The following ZNF845 variants were observed in gnomAD, a reference collection of about 807,000 sequenced individuals.
ZNF845 encodes zinc finger protein 845.
A neutral mutation model predicts 76.1 loss-of-function variants in ZNF845; 59 were observed. The observed-to-expected ratio is 0.78, with a 90% confidence interval of 0.63 to 0.96. The LOEUF (loss-of-function observed/expected upper bound fraction) is 0.96, where lower values mean the gene tolerates loss of function less well. ZNF845 is among the 40% of genes least tolerant of loss of function. ZNF845 has a pLI of 0.00. For missense variants in ZNF845, 1,045 were observed against 1,172.8 expected (o/e 0.89, Z 1.59); for synonymous variants, 361 against 386.9 (o/e 0.93, Z 0.78).
chr19:53,335,516 C>G (rs778973779), intron 1 of ZNF845, among the ~76,000 whole-genome samples: 2 of 152,122 alleles, frequency 1.3e-5, no homozygotes, highest in Non-Finnish European at 2.9e-5. Flanking sequence ...CTGCCTTGGC[C>G]TCCCAAATTA....
At chr19:53,337,831 G>T (rs1237536800) in intron 1 of ZNF845, among the ~76,000 whole-genome samples, 1 of 151,306 alleles carries the variant, frequency 6.6e-6, no homozygotes, top group East Asian at 1.9e-4. Flanking sequence ...CTCCCAGAGT[G>T]CTAGGGTACA....
intron 1 of ZNF845, among the ~76,000 whole-genome samples, chr19:53,334,563 G>A (rs1229579456): frequency 6.6e-6 from 1 of 151,698 alleles, no homozygotes; most frequent in East Asian, 1.9e-4. Context: ...GAGAGAAGGG[G>A]AGAATGAGAG....
In ZNF845 at chr19:53,343,884, G is replaced by A. The variant is rs191055883; in HGVS notation, c.16-1622G>A. On this transcript the variant is annotated intron_variant, in intron 2 of 3. Transcript: ENST00000458035. ...TGCCGAGGCTGGAGCACAGTGGCGCGATCTTAGCTCACTGCAACCTCCACC... is the reference window on the plus strand; with the variant it reads ...TGCCGAGGCTGGAGCACAGTGGCGCAATCTTAGCTCACTGCAACCTCCACC... 9.8e-3 allele frequency among the ~76,000 whole-genome samples: 1,490 copies of A among 152,036 alleles called. 18 individuals carry two copies. The highest frequency in any genetic ancestry group is 0.019 in the South Asian group (91 of 4,804).
Position 53,351,122 on chromosome 19 carries a change from T to G in ZNF845, c.447T>G (p.Pro149=). ...QLGSSFHSHL[P]ELHMFQTEGK... ...GATCAAGCTTTCATTCGCATCTGCCTGAACTCCACATGTTTCAGACCGAAG... is the reference window on the plus strand; with the variant it reads ...GATCAAGCTTTCATTCGCATCTGCCGGAACTCCACATGTTTCAGACCGAAG... The change falls in exon 4 of 4, where the codon CCT becomes CCG. Residue 149 remains proline (P), a synonymous_variant. Coordinates refer to ENST00000458035, the MANE Select transcript of ZNF845 (RefSeq NM_138374.3). 1 of 1,614,238 alleles carries G rather than the reference T, an allele frequency of 6.2e-7. No homozygotes were observed.
Position 53,353,881 on chromosome 19 carries a change from C to T in ZNF845, c.*293C>T, listed in dbSNP as rs1435326081. 5.3e-5 allele frequency: 59 copies of T among 1,120,206 alleles called. No homozygotes were observed. The highest frequency in any genetic ancestry group is 2.1e-4 in the Middle Eastern group (1 of 4,760). 69.4% of individuals were successfully genotyped at this position (1,120,206 alleles called of 1,614,324 possible). The stretch of plus-strand genomic sequence containing the variant: ...ACAAAGTCTTCAGTAACACTACAAC[C>T]GTTTCAAATCATTGGAGAATCCATA... On this transcript the variant is annotated 3_prime_UTR_variant, in exon 4 of 4. Coordinates refer to ENST00000458035, the MANE Select transcript of ZNF845 (RefSeq NM_138374.3).
chr19:53,352,288 T>C lies in ZNF845; in HGVS notation c.1613T>C (p.Leu538Pro). Reference sequence around the variant, plus strand: ...AAGACCTTTAGTCGGAAGTCATCCCTTACACGCCATTGTAGACTTCATACT... The same window carrying C: ...AAGACCTTTAGTCGGAAGTCATCCCCTACACGCCATTGTAGACTTCATACT... ...CGKTFSRKSSLTRHCRLHTGE... is the reference protein window; with the variant it reads ...CGKTFSRKSSPTRHCRLHTGE... Residue 538 changes from leucine (L) to proline (P), a missense_variant, in exon 4 of 4, where the codon CTT becomes CCT. Leu to Pro is a moderately conservative substitution (Grantham distance 98). Transcript: ENST00000458035. 3 of 1,613,910 alleles carry C rather than the reference T, an allele frequency of 1.9e-6. No individual in the cohort carries two copies. The highest frequency in any genetic ancestry group is 1.1e-5 in the South Asian group (1 of 91,064).
chr19:53,353,551 C>T lies in ZNF845; in HGVS notation c.2876C>T (p.Ala959Val), dbSNP rs752938094. The T allele has an allele frequency of 1.2e-6, 2 of 1,608,468 alleles. No homozygotes were observed. Among genetic ancestry groups the T allele is most frequent in the South Asian group, 1.1e-5 (1 of 90,358 alleles). The change falls in exon 4 of 4, where the codon GCA becomes GTA. Residue 959 changes from alanine (A) to valine (V), a missense_variant. Coordinates refer to ENST00000458035, the MANE Select transcript of ZNF845 (RefSeq NM_138374.3). ...GTTTTTAATCGAAAAGCAAAACTTG[C>T]ACGTCATCATAGAATTCATACTGGA... ...GKVFNRKAKL[A>V]RHHRIHTGKK...
At chr19:53,340,349 G>A (rs2085247515) in intron 1 of ZNF845, among the ~76,000 whole-genome samples, 2 of 152,302 alleles carry the variant, frequency 1.3e-5, no homozygotes, top group African/African-American at 4.8e-5. Context: ...ACTGTGCCCA[G>A]CCTCATCTCG....
rs980575195 is a variant in ZNF845 at position 53,355,791 on chromosome 19, A to G, written c.*2203A>G. The G allele has an allele frequency of 3.9e-5, 6 of 152,078 alleles. No individual in the cohort carries two copies. The highest frequency in any genetic ancestry group is 1.4e-4 in the African/African-American group (6 of 41,412). 9.4% of individuals were successfully genotyped at this position (152,078 alleles called of 1,614,324 possible). ...TTCAGCTGTGGTCATTTCATGGATG[A>G]TTTTTATATTTTTGAGGTAAAACTC... On this transcript the variant is annotated 3_prime_UTR_variant, in exon 4 of 4. Coordinates refer to ENST00000458035, the MANE Select transcript of ZNF845 (RefSeq NM_138374.3).
chr19:53,346,071 T>C (rs2085294294), intron 3 of ZNF845, among the ~76,000 whole-genome samples: 1 of 152,148 alleles, frequency 6.6e-6, no homozygotes, highest in Non-Finnish European at 1.5e-5. Context: ...GAGTTTTCTT[T>C]GGACAACATG....
chr19:53,347,848 T>C (rs2085307458), intron 3 of ZNF845, among the ~76,000 whole-genome samples: 1 of 152,056 alleles, frequency 6.6e-6, no homozygotes, highest in Non-Finnish European at 1.5e-5. Context: ...AGTCAGGAGT[T>C]TGAAACCAGT....
At chr19:53,348,366 G>A (rs1265320297) in intron 3 of ZNF845, among the ~76,000 whole-genome samples, 1 of 152,252 alleles carries the variant, frequency 6.6e-6, no homozygotes, top group East Asian at 1.9e-4. Flanking sequence ...AGAGCAAGGT[G>A]CCAGCCACAT....
chr19:53,336,548 G>A (rs2085214945), intron 1 of ZNF845, among the ~76,000 whole-genome samples: 1 of 151,516 alleles, frequency 6.6e-6, no homozygotes, highest in South Asian at 2.1e-4. Flanking sequence ...GAAAGCAAAA[G>A]GCACATCAAA....
intron 1 of ZNF845, among the ~76,000 whole-genome samples, chr19:53,336,633 C>CTTTTTTTTTTTTTTTTTTTTT (rs398035035): frequency 1.1e-5 from 1 of 92,444 alleles, no homozygotes. Context: ...TTCTTTCTTT[C>CTTTTTTTTTTTTTTTTTTTTT]TTTTTTTTTT....
intron 1 of ZNF845, among the ~76,000 whole-genome samples, chr19:53,338,698 A>G (rs1373718258): frequency 4.9e-5 from 1 of 20,440 alleles, no homozygotes; most frequent in African/African-American, 5.4e-4. Context: ...ACGTGAGCAC[A>G]CACACACACA....
intron 2 of ZNF845, 61 bp from the exon 3 acceptor site, chr19:53,345,445 T>A: frequency 2.5e-6 from 4 of 1,611,970 alleles, no homozygotes; most frequent in Non-Finnish European, 1.7e-6. Context: ...CCTCTTCTCA[T>A]TTCGTGTAAA....
rs372769005 is a variant in ZNF845 at position 53,354,444 on chromosome 19, A to G, written c.*856A>G. 1 of 211,012 alleles carries G rather than the reference A, an allele frequency of 4.7e-6. No individual in the cohort carries two copies. 13.1% of individuals were successfully genotyped at this position (211,012 alleles called of 1,614,324 possible). Reference sequence around the variant, plus strand: ...CCAGCACTTTGGGAGGCCAAGACCAATAGATCACTTGAGGTCAGGAGTTTG... The same window carrying G: ...CCAGCACTTTGGGAGGCCAAGACCAGTAGATCACTTGAGGTCAGGAGTTTG... On this transcript the variant is annotated 3_prime_UTR_variant, in exon 4 of 4. Coordinates refer to ENST00000458035, the MANE Select transcript of ZNF845 (RefSeq NM_138374.3).
intron 3 of ZNF845, among the ~76,000 whole-genome samples, chr19:53,347,692 C>T (rs1329104802): frequency 6.6e-6 from 1 of 152,154 alleles, no homozygotes; most frequent in Non-Finnish European, 1.5e-5. Flanking sequence ...GATTTGTCAG[C>T]CTTCGGTGAT....
chr19:53,334,479 A>C (rs989740560), intron 1 of ZNF845, among the ~76,000 whole-genome samples: 5 of 152,128 alleles, frequency 3.3e-5, no homozygotes, highest in African/African-American at 1.2e-4. Flanking sequence ...GAGAGAGCAA[A>C]AATGAAAAAA....
Sources: allele counts gnomAD v4.1 joint callset (sites outside exome capture counted in the v4.1 genomes callset), GRCh38; gene constraint gnomAD v4.1.1; transcripts MANE v1.5; gene names NCBI Gene and HGNC (gene_info 2026-07-23, HGNC 2026-07-21).